Variants in ARHGAP26 observed in about 807,000 individuals in gnomAD.
The protein encoded by ARHGAP26 is Rho GTPase activating protein 26.
In ARHGAP26, 38 loss-of-function variants were observed where a neutral mutation model predicts 104.8. The ratio of observed to expected loss-of-function variants is 0.36; its 90% CI spans 0.28 to 0.48. ARHGAP26 has a LOEUF of 0.48. Ranked by LOEUF, ARHGAP26 falls within the 20% of genes least tolerant of loss-of-function variation. The probability of loss-of-function intolerance (pLI) is 0.99; values close to 1 mark genes in which losing one functional copy is unlikely to be tolerated. For missense variants in ARHGAP26, 704 were observed against 947.9 expected (o/e 0.74, Z 3.38); for synonymous variants, 341 against 340.0 (o/e 1.00, Z -0.03).
At chr5:142,818,590 A>G (rs181360404) in intron 1 of ARHGAP26, among the ~76,000 whole-genome samples, 14 of 152,314 alleles carry the variant, frequency 9.2e-5, no homozygotes, top group Admixed American at 2.0e-4. Flanking sequence ...TTTATTAGCT[A>G]TATCACCTTG....
In ARHGAP26 at chr5:142,783,232, G is replaced by A. The variant is rs549512070; in HGVS notation, c.154+12317G>A. 3.3e-5 allele frequency among the ~76,000 whole-genome samples: 5 copies of A among 152,368 alleles called. No homozygotes were observed. The South Asian group carries it at 6.2e-4, about 19-fold the overall frequency. On this transcript the variant is annotated intron_variant, in intron 1 of 22. Coordinates refer to ENST00000645722, the MANE Select transcript of ARHGAP26 (RefSeq NM_001135608.3). ...AATGATGCAGGAGGGTTTCAGAAGC[G>A]TAAAAGTTCTAGCAGCTTGAGAACA...
intron 10 of ARHGAP26, among the ~76,000 whole-genome samples, chr5:142,925,944 G>A (rs192034501): frequency 2.8e-4 from 43 of 152,310 alleles, no homozygotes; most frequent in African/African-American, 9.6e-4. Flanking sequence ...CAGTGGGGTG[G>A]AGTTAGTAAT....
At chr5:142,848,492 C>T (rs17099608) in intron 1 of ARHGAP26, among the ~76,000 whole-genome samples, 11,286 of 152,206 alleles carry the variant, frequency 0.074, 696 homozygotes, top group East Asian at 0.33. Context: ...GTCAGATTCT[C>T]ACCATAGGTG....
chr5:142,850,836 T>C (rs1191092223), intron 1 of ARHGAP26, among the ~76,000 whole-genome samples: 2 of 152,192 alleles, frequency 1.3e-5, no homozygotes, highest in East Asian at 1.9e-4. Context: ...GGATAGCCAA[T>C]GGATCTGAAA....
intron 17 of ARHGAP26, among the ~76,000 whole-genome samples, chr5:143,084,708 C>A (rs1790302312): frequency 6.6e-6 from 1 of 152,196 alleles, no homozygotes; most frequent in Non-Finnish European, 1.5e-5. Flanking sequence ...GTAGGGCACA[C>A]AGTCACACCT....
At chr5:143,138,863 A>C (rs562873162) in intron 19 of ARHGAP26, among the ~76,000 whole-genome samples, 1 of 152,318 alleles carries the variant, frequency 6.6e-6, no homozygotes, top group African/African-American at 2.4e-5. Flanking sequence ...ATTTACATTA[A>C]ATAGTGTACG....
rs765355547 is a variant in ARHGAP26 at position 142,777,701 on chromosome 5, GC to G, written c.154+6787del. ...TCCAGAGCCCTAGACTAGAGTAATG[GC>G]TTTTTGGATGGAGGTAACCAATGTA... On this transcript the variant is annotated intron_variant, in intron 1 of 22. Coordinates refer to ENST00000645722, the MANE Select transcript of ARHGAP26 (RefSeq NM_001135608.3). Among the ~76,000 whole-genome samples the G allele has an allele frequency of 5.3e-5, 8 of 152,274 alleles. No homozygotes were observed. In the East Asian group the frequency reaches 9.6e-4, roughly 18 times the overall value.
At chr5:143,044,904 G>A (rs1416133010) in intron 14 of ARHGAP26, among the ~76,000 whole-genome samples, 1 of 152,168 alleles carries the variant, frequency 6.6e-6, no homozygotes, top group Non-Finnish European at 1.5e-5. Flanking sequence ...CTCATAGTGA[G>A]TATACAGAGA....
At chr5:143,218,112 A>G (rs776876586) in intron 22 of ARHGAP26, among the ~76,000 whole-genome samples, 5 of 152,180 alleles carry the variant, frequency 3.3e-5, no homozygotes, top group Non-Finnish European at 7.4e-5. Flanking sequence ...ACAGACACTC[A>G]TGCCTTTGTG....
chr5:142,899,915 G>A (rs1760050942), intron 6 of ARHGAP26, among the ~76,000 whole-genome samples: 1 of 152,220 alleles, frequency 6.6e-6, no homozygotes. Flanking sequence ...ATCTTAGTGA[G>A]CTGTTTGAGA....
At chr5:142,930,308 T>G (rs561816995) in intron 10 of ARHGAP26, among the ~76,000 whole-genome samples, 1 of 152,294 alleles carries the variant, frequency 6.6e-6, no homozygotes, top group East Asian at 1.9e-4. Context: ...GAGCCACCAC[T>G]GTCAGCAGTC....
At chr5:143,211,488 A>G (rs982883411) in intron 21 of ARHGAP26, among the ~76,000 whole-genome samples, 4 of 152,084 alleles carry the variant, frequency 2.6e-5, no homozygotes, top group Non-Finnish European at 5.9e-5. Context: ...CTCAAGGGAA[A>G]AGCCCTCCCA....
chr5:143,198,751 C>T (rs114084983), intron 20 of ARHGAP26, among the ~76,000 whole-genome samples: 298 of 152,238 alleles, frequency 2.0e-3, no homozygotes, highest in Middle Eastern at 6.8e-3. Context: ...CTTACCATTC[C>T]TACTCACCCC....
chr5:142,782,791 T>G (rs1757787240), intron 1 of ARHGAP26, among the ~76,000 whole-genome samples: 1 of 152,194 alleles, frequency 6.6e-6, no homozygotes, highest in Non-Finnish European at 1.5e-5. Context: ...GCAGCTGAGA[T>G]AATTGTAGAT....
rs376796710 is a variant in ARHGAP26, at chr5:143,220,584, G to A, written c.2192-1774G>A. The stretch of plus-strand genomic sequence containing the variant: ...TGGGTGTTCTTTAAGAGTGGCATGG[G>A]AGAGCTTTGGTCATTGGAGAGGCCA... On this transcript the variant is annotated intron_variant, in intron 22 of 22. Transcript: ENST00000645722. Among the ~76,000 whole-genome samples the A allele has an allele frequency of 2.0e-5, 3 of 152,344 alleles. No individual in the cohort carries two copies. The South Asian group carries it at 6.2e-4, about 32-fold the overall frequency.
chr5:143,008,940 C>T (rs1256384774), intron 11 of ARHGAP26, among the ~76,000 whole-genome samples: 1 of 152,156 alleles, frequency 6.6e-6, no homozygotes, highest in Non-Finnish European at 1.5e-5. Context: ...TGCAAAATCA[C>T]ATCTTGGTGC....
intron 1 of ARHGAP26, among the ~76,000 whole-genome samples, chr5:142,866,035 C>CTT (rs67054994): frequency 5.6e-5 from 8 of 144,118 alleles, no homozygotes; most frequent in African/African-American, 2.0e-4. Flanking sequence ...TTTCTTTTTT[C>CTT]TTTTTTTTTT....
chr5:143,051,446 G>T (rs907240103), intron 14 of ARHGAP26, among the ~76,000 whole-genome samples: 2 of 152,312 alleles, frequency 1.3e-5, no homozygotes, highest in South Asian at 4.2e-4. Flanking sequence ...AGCAGCAGTG[G>T]TCAAGGGACA....
intron 18 of ARHGAP26, among the ~76,000 whole-genome samples, chr5:143,126,865 C>T (rs1467377583): frequency 5.9e-5 from 9 of 152,114 alleles, no homozygotes; most frequent in Admixed American, 4.6e-4. Flanking sequence ...TTACCATTTC[C>T]GTATGAACAG....
Sources: allele counts gnomAD v4.1 joint callset (sites outside exome capture counted in the v4.1 genomes callset), GRCh38; gene constraint gnomAD v4.1.1; transcripts MANE v1.5; gene names NCBI Gene and HGNC (gene_info 2026-07-23, HGNC 2026-07-21).